The following BTBD2 variants were observed in gnomAD, a reference collection of about 807,000 sequenced individuals.
The protein encoded by BTBD2 is BTB domain containing 2, also known as BTB/POZ domain-containing protein 2.
A neutral mutation model predicts 44.0 loss-of-function variants in BTBD2; 15 were observed. The ratio of observed to expected loss-of-function variants is 0.34; its 90% CI spans 0.23 to 0.53. The LOEUF (loss-of-function observed/expected upper bound fraction) is 0.53. Ranked by LOEUF, BTBD2 falls within the 20% of genes least tolerant of loss-of-function variation. The probability of loss-of-function intolerance (pLI) is 0.95; values close to 1 mark genes in which losing one functional copy is unlikely to be tolerated. For missense variants in BTBD2, 657 were observed against 746.4 expected, an observed-to-expected ratio of 0.88 and a Z score of 1.39; for synonymous variants, 443 against 335.9, an observed-to-expected ratio of 1.32 and a Z score of -3.49.
At chr19:2,005,109 T>TG (rs2016379180) in intron 1 of BTBD2, among the ~76,000 whole-genome samples, 1 of 152,086 alleles carries the variant, frequency 6.6e-6, no homozygotes, top group Non-Finnish European at 1.5e-5. Context: ...CGTGAGCCAC[T>TG]GCGCCCAGCC....
Position 1,987,152 on chromosome 19 carries a change from C to CT in BTBD2, c.1269+13dup. ...GCCTGAGTGGGGCCTGGGGATGAGG[C>CT]TTGGGGCTGGTACCTGGATGTTCAC... On this transcript the variant is annotated intron_variant, in intron 7 of 8. Coordinates refer to ENST00000255608, the MANE Select transcript of BTBD2 (RefSeq NM_017797.4). The CT allele has an allele frequency of 6.2e-7, 1 of 1,613,104 alleles. No individual in the cohort carries two copies. The highest frequency in any genetic ancestry group is 8.5e-7 in the Non-Finnish European group (1 of 1,179,238).
chr19:1,994,998 C>T (rs575949421), intron 2 of BTBD2, among the ~76,000 whole-genome samples: 8 of 152,128 alleles, frequency 5.3e-5, no homozygotes, highest in Non-Finnish European at 8.8e-5. Flanking sequence ...GACAGAGTCT[C>T]GCTCTGTCGC....
intron 2 of BTBD2, among the ~76,000 whole-genome samples, chr19:1,995,375 G>C (rs1326122032): frequency 6.8e-6 from 1 of 146,838 alleles, no homozygotes; most frequent in East Asian, 2.0e-4. Context: ...TCTGCCACCT[G>C]GGTTCACACC....
chr19:1,990,619 G>A (rs753230838), intron 4 of BTBD2, 98 bp downstream of exon 4: 13 of 1,163,556 alleles, frequency 1.1e-5, no homozygotes, highest in Non-Finnish European at 1.6e-5. Flanking sequence ...CAGCTCACCT[G>A]TGCAACTCCC....
At chr19:1,990,493 G>A (rs2145622137) in intron 4 of BTBD2, 1 of 610,754 alleles carries the variant, frequency 1.6e-6, no homozygotes, top group African/African-American at 1.8e-5. Flanking sequence ...AGGACGAGAT[G>A]GTCACCATCA....
intron 4 of BTBD2, 37 bp downstream of exon 4, chr19:1,990,670 GCCGAGGCCCC>G: frequency 1.4e-6 from 2 of 1,451,134 alleles, no homozygotes; most frequent in Non-Finnish European, 1.9e-6. Context: ...GGACCCTCCC[GCCGAGGCCCC>G]GCTGGGATTC....
Position 1,986,297 on chromosome 19 carries a change from G to T in BTBD2, c.*191C>A. On this transcript the variant is annotated 3_prime_UTR_variant, in exon 9 of 9. Coordinates refer to ENST00000255608, the MANE Select transcript of BTBD2 (RefSeq NM_017797.4). ...GCCTGGCCACCTCCCCGGCTGCCCT[G>T]ATCCAGCAGCCACACTCGTGGTGAA... 1 of 696,278 alleles carries T rather than the reference G, an allele frequency of 1.4e-6. No individual in the cohort carries two copies. Among genetic ancestry groups the T allele is most frequent in the Non-Finnish European group, 2.4e-6 (1 of 423,862 alleles). 43.1% of individuals were successfully genotyped at this position (696,278 alleles called of 1,614,324 possible). A position where few individuals can be genotyped will look rare whatever the true frequency, so the allele number is the denominator to read the frequency against.
rs112849128 is a variant in BTBD2 at position 2,013,254 on chromosome 19, C to T, written c.407+2043G>A. ...CCCTCCAGTGCCCGCAGCAAGAAAA[C>T]CCAGCCCCTGCCCCCGACCAATGAG... On this transcript the variant is annotated intron_variant, in intron 1 of 8. Coordinates refer to ENST00000255608, the MANE Select transcript of BTBD2 (RefSeq NM_017797.4). Among the ~76,000 whole-genome samples the T allele has an allele frequency of 3.7e-3, 565 of 152,316 alleles. 4 individuals carry two copies. Among genetic ancestry groups the T allele is most frequent in the African/African-American group, 0.012 (515 of 41,576 alleles).
intron 1 of BTBD2, among the ~76,000 whole-genome samples, chr19:2,006,559 A>T (rs1196593357): frequency 6.6e-6 from 1 of 152,064 alleles, no homozygotes; most frequent in Non-Finnish European, 1.5e-5. Flanking sequence ...CCTTAGAAAG[A>T]CCAATCTCCT....
At chr19:1,992,511 G>C (rs111360392) in intron 3 of BTBD2, among the ~76,000 whole-genome samples, 1 of 151,596 alleles carries the variant, frequency 6.6e-6, no homozygotes, top group South Asian at 2.1e-4. Flanking sequence ...AAGTGCTGGG[G>C]TTACAGGCGT....
intron 1 of BTBD2, among the ~76,000 whole-genome samples, chr19:2,009,517 C>T (rs2016437007): frequency 6.7e-6 from 1 of 150,318 alleles, no homozygotes; most frequent in Admixed American, 6.6e-5. Context: ...TACTTCTAGA[C>T]CTCGCTACAA....
intron 1 of BTBD2, among the ~76,000 whole-genome samples, chr19:1,998,309 AGAG>A (rs1170118899): frequency 6.6e-6 from 1 of 152,190 alleles, no homozygotes; most frequent in Admixed American, 6.5e-5. Context: ...CCACTGAGTG[AGAG>A]AAGAGAGAGG....
At chr19:2,012,546 G>A (rs971349231) in intron 1 of BTBD2, among the ~76,000 whole-genome samples, 1 of 152,190 alleles carries the variant, frequency 6.6e-6, no homozygotes, top group Non-Finnish European at 1.5e-5. Context: ...CAAGGCCTCC[G>A]GTCAGCGAGA....
intron 3 of BTBD2, among the ~76,000 whole-genome samples, chr19:1,992,382 G>A (rs2016191508): frequency 6.6e-6 from 1 of 151,870 alleles, no homozygotes; most frequent in African/African-American, 2.4e-5. Context: ...TTACAGGCAT[G>A]AACCACAGTG....
rs112142751 is a variant in BTBD2, at chr19:2,000,159, C to T, written c.408-2696G>A. On this transcript the variant is annotated intron_variant, in intron 1 of 8. Coordinates refer to ENST00000255608, the MANE Select transcript of BTBD2 (RefSeq NM_017797.4). ...CGCCTTGATCCATGGTCCTGGGCTCCGGGACTGGCAGAGGATGAACCCACT... is the reference window on the plus strand; with the variant it reads ...CGCCTTGATCCATGGTCCTGGGCTCTGGGACTGGCAGAGGATGAACCCACT... Among the ~76,000 whole-genome samples, 502 of 152,042 alleles carry T rather than the reference C, an allele frequency of 3.3e-3. 2 individuals are homozygous for T. The highest frequency in any genetic ancestry group is 4.5e-3 in the Non-Finnish European group (304 of 67,952).
intron 5 of BTBD2, among the ~76,000 whole-genome samples, chr19:1,989,116 A>G (rs2016135713): frequency 6.6e-6 from 1 of 152,142 alleles, no homozygotes; most frequent in South Asian, 2.1e-4. Context: ...GTATCTAGCC[A>G]GGCTCGGTGG....
intron 2 of BTBD2, among the ~76,000 whole-genome samples, chr19:1,993,814 T>C (rs961248860): frequency 9.6e-5 from 14 of 145,866 alleles, no homozygotes; most frequent in Non-Finnish European, 1.5e-4. Flanking sequence ...CTGGCCAACA[T>C]GGTGAAACCC....
chr19:1,987,334 C>CGCAT (rs1568213726), intron 6 of BTBD2, 81 bp from the exon 7 acceptor site: 10 of 1,526,554 alleles, frequency 6.6e-6, no homozygotes, highest in Non-Finnish European at 9.0e-6. Context: ...CCCCCATGCC[C>CGCAT]GGTCCCCTCC....
In BTBD2 at chr19:1,990,083, T is replaced by C. The variant is rs1210534604; in HGVS notation, c.909A>G (p.Pro303=). The C allele has an allele frequency of 6.2e-7, 1 of 1,613,096 alleles. No individual in the cohort carries two copies. Among genetic ancestry groups the C allele is most frequent in the Non-Finnish European group, 8.5e-7 (1 of 1,180,026 alleles). The change falls in exon 5 of 9, where the codon CCA becomes CCG. Residue 303 remains proline, a synonymous_variant. Transcript: ENST00000255608. ...TGCCCAGAACCTTCCGCCTGTTCTC[T>C]GGCGTCACCTGCAGCTGCTGCCGCT... ...ECQRQQLQVT[P]ENRRKVLGKA...
Sources: allele counts gnomAD v4.1 joint callset (sites outside exome capture counted in the v4.1 genomes callset), GRCh38; gene constraint gnomAD v4.1.1; transcripts MANE v1.5; gene names NCBI Gene and HGNC (gene_info 2026-07-23, HGNC 2026-07-21).